PGM2: variants seen among roughly 807,000 people sequenced by gnomAD.
PGM2 encodes the protein phosphopentomutase.
Under a neutral mutation model 74.6 loss-of-function variants are expected in PGM2, and 57 were observed. The observed-to-expected ratio is 0.76, with a 90% confidence interval of 0.62 to 0.95. The LOEUF is 0.95. Ranked by LOEUF, PGM2 falls within the 40% of genes least tolerant of loss-of-function variation. The pLI is 0.00. For missense variants in PGM2, 706 were observed against 741.9 expected (o/e 0.95, Z 0.56); for synonymous variants, 273 against 260.7 (o/e 1.05, Z -0.46).
chr4:37,858,400 A>T (rs1010754469), intron 13 of PGM2, among the ~76,000 whole-genome samples: 1 of 151,692 alleles, frequency 6.6e-6, no homozygotes, highest in African/African-American at 2.4e-5. Context: ...GCAATGGTGG[A>T]ATCTTAGCTC....
intron 1 of PGM2, among the ~76,000 whole-genome samples, chr4:37,828,759 C>T (rs193164835): frequency 2.0e-5 from 3 of 152,280 alleles, no homozygotes; most frequent in African/African-American, 7.2e-5. Flanking sequence ...GCAGTGAAGT[C>T]CATGTTTTCT....
At chr4:37,829,496 A>T (rs188768290) in intron 1 of PGM2, among the ~76,000 whole-genome samples, 1 of 152,236 alleles carries the variant, frequency 6.6e-6, no homozygotes, top group Non-Finnish European at 1.5e-5. Context: ...CATTAGGGAA[A>T]AAAATGGACA....
intron 12 of PGM2, among the ~76,000 whole-genome samples, chr4:37,851,243 T>A (rs567030104): frequency 1.3e-5 from 2 of 152,212 alleles, no homozygotes; most frequent in Non-Finnish European, 2.9e-5. Flanking sequence ...ACCTGGACTT[T>A]CCGATTCAGT....
chr4:37,847,830 A>G (rs1021547568), intron 10 of PGM2, among the ~76,000 whole-genome samples: 5 of 152,246 alleles, frequency 3.3e-5, no homozygotes, highest in Admixed American at 6.5e-5. Flanking sequence ...CTAGCTATAG[A>G]AATTTGAAAC....
intron 6 of PGM2, among the ~76,000 whole-genome samples, chr4:37,842,554 TTTTC>T (rs1379483569): frequency 1.8e-4 from 13 of 72,512 alleles, no homozygotes; most frequent in Non-Finnish European, 3.6e-4. Context: ...TCTTTCTTTT[TTTTC>T]TTTTTTGACT....
chr4:37,840,478 G>A (rs975536089), intron 6 of PGM2, among the ~76,000 whole-genome samples: 1 of 152,184 alleles, frequency 6.6e-6, no homozygotes, highest in Non-Finnish European at 1.5e-5. Context: ...TGCCTTCTGG[G>A]TTCAAGCGAT....
chr4:37,849,624 G>T lies in PGM2; in HGVS notation c.1413-560G>T, dbSNP rs201455928. On this transcript the variant is annotated intron_variant, in intron 11 of 13. Transcript: ENST00000381967. The stretch of plus-strand genomic sequence containing the variant: ...GGGTTTCACCATATTGGCCAGGCTG[G>T]TCTCAAACGCCTAACCTCAGGTGAT... 5.6e-4 allele frequency among the ~76,000 whole-genome samples: 85 copies of T among 151,960 alleles called. No homozygotes were observed. In the East Asian group the frequency reaches 0.016, roughly 28 times the overall value.
intron 6 of PGM2, among the ~76,000 whole-genome samples, chr4:37,841,282 C>T (rs1725723080): frequency 6.6e-6 from 1 of 150,960 alleles, no homozygotes; most frequent in Admixed American, 6.6e-5. Flanking sequence ...TTAAAGGCTG[C>T]TGCACCGGTG....
chr4:37,845,399 C>A lies in PGM2; in HGVS notation c.910-234C>A, dbSNP rs112998504. ...GGCACACTGGTAGGCTTGGGTCACA[C>A]ACCGATGCTCCCATTATCTGACCTC... is the stretch of plus-strand genomic sequence containing the variant. On this transcript the variant is annotated intron_variant, in intron 7 of 13. Coordinates refer to ENST00000381967, the MANE Select transcript of PGM2 (RefSeq NM_018290.4). Among the ~76,000 whole-genome samples the A allele has an allele frequency of 2.0e-5, 3 of 152,220 alleles. No individual in the cohort carries two copies. In the East Asian group the frequency reaches 5.8e-4, roughly 29 times the overall value.
In PGM2 at chr4:37,847,024, T is replaced by C. The variant is rs1560417737; in HGVS notation, c.1101T>C (p.Ser367=). 1.2e-6 allele frequency: 2 copies of C among 1,613,624 alleles called. No homozygotes were observed. The highest frequency in any genetic ancestry group is 1.1e-5 in the South Asian group (1 of 91,076). The part of the protein sequence containing the change: ...TSWKEKNQDR[S]ALKDTYMLSS... ...GGAAAGAGAAGAACCAGGATCGCAG[T>C]GCTCTCAAAGACACGTACATGTTGT... Residue 367 remains serine, a synonymous_variant, in exon 9 of 14, where the codon AGT becomes AGC. Coordinates refer to ENST00000381967, the MANE Select transcript of PGM2 (RefSeq NM_018290.4).
intron 6 of PGM2, among the ~76,000 whole-genome samples, chr4:37,842,724 G>T (rs1259603217): frequency 6.6e-6 from 1 of 151,812 alleles, no homozygotes; most frequent in South Asian, 2.1e-4. Flanking sequence ...GCAGTGGCAT[G>T]ATCTTGGCTC....
intron 13 of PGM2, among the ~76,000 whole-genome samples, chr4:37,859,100 C>T (rs1049497122): frequency 6.6e-5 from 10 of 152,156 alleles, no homozygotes; most frequent in Non-Finnish European, 1.0e-4. Context: ...TGACCCCAAT[C>T]CAGACTGAGC....
chr4:37,831,750 G>T (rs1013383623), intron 2 of PGM2, among the ~76,000 whole-genome samples: 2 of 152,138 alleles, frequency 1.3e-5, no homozygotes, highest in African/African-American at 4.8e-5. Flanking sequence ...CACTTCTACC[G>T]TATTCGGTTT....
chr4:37,826,743 C>T lies in PGM2; in HGVS notation c.11C>T (p.Pro4Leu). MAA[P>L]EGSGLGEDAR... ...AGCACAAGCTCAGCGATGGCGGCTC[C>T]AGAAGGCAGCGGTCTAGGCGAGGAC... The change falls in exon 1 of 14, where the codon CCA (proline) becomes CTA (leucine). Residue 4 changes from proline (P) to leucine (L), a missense_variant. Pro to Leu is a moderately conservative substitution (Grantham distance 98, BLOSUM62 -3). Around this residue, in one of 3 missense-constraint regions of PGM2, gnomAD observed 332 missense variants for 334.9 expected, o/e 0.99. Coordinates refer to ENST00000381967, the MANE Select transcript of PGM2 (RefSeq NM_018290.4). 1 of 1,550,052 alleles carries T rather than the reference C, an allele frequency of 6.5e-7. No homozygotes were observed. Among genetic ancestry groups the T allele is most frequent in the Non-Finnish European group, 8.7e-7 (1 of 1,146,352 alleles).
intron 12 of PGM2, among the ~76,000 whole-genome samples, chr4:37,854,947 A>G (rs1436243550): frequency 6.6e-6 from 1 of 152,234 alleles, no homozygotes; most frequent in African/African-American, 2.4e-5. Context: ...ATGATGTACA[A>G]TCCGATGTTT....
At chr4:37,848,023 A>T (rs1471269546) in intron 10 of PGM2, among the ~76,000 whole-genome samples, 1 of 152,130 alleles carries the variant, frequency 6.6e-6, no homozygotes, top group African/African-American at 2.4e-5. Flanking sequence ...GTAGCTTTTT[A>T]TTTTAAGAAA....
chr4:37,839,833 C>G lies in PGM2; in HGVS notation c.442-15C>G, dbSNP rs773946262. The stretch of plus-strand genomic sequence containing the variant: ...CGTTAAAAACTGTTTGTTCTTGTTT[C>G]CTGCTATGTTACAGCCCTTCACAGT... On this transcript the variant is annotated splice_polypyrimidine_tract_variant and intron_variant, in intron 4 of 13. Coordinates refer to ENST00000381967, the MANE Select transcript of PGM2 (RefSeq NM_018290.4). The G allele has an allele frequency of 6.8e-7, 1 of 1,471,042 alleles. No individual in the cohort carries two copies. Among genetic ancestry groups the G allele is most frequent in the Non-Finnish European group, 9.5e-7 (1 of 1,052,342 alleles). The allele number at this position is 1,471,042 out of a possible 1,614,324, so 91.1% of individuals were successfully genotyped here.
In PGM2 at chr4:37,847,060, C is replaced by A; in HGVS notation, c.1137C>A (p.Val379=). The A allele has an allele frequency of 6.2e-7, 1 of 1,613,810 alleles. No individual in the cohort carries two copies. The highest frequency in any genetic ancestry group is 8.5e-7 in the Non-Finnish European group (1 of 1,179,756). ...LKDTYMLSST[V]SSKILRAIAL... ...ACACGTACATGTTGTCCAGCACCGTCTCCTCCAAAATCTTGCGGGCCATTG... is the reference window on the plus strand; with the variant it reads ...ACACGTACATGTTGTCCAGCACCGTATCCTCCAAAATCTTGCGGGCCATTG... Residue 379 remains valine (V), a synonymous_variant, in exon 9 of 14, where the codon GTC becomes GTA. Coordinates refer to ENST00000381967, the MANE Select transcript of PGM2 (RefSeq NM_018290.4).
At chr4:37,829,006 G>A (rs184357948) in intron 1 of PGM2, among the ~76,000 whole-genome samples, 1 of 152,334 alleles carries the variant, frequency 6.6e-6, no homozygotes, top group East Asian at 1.9e-4. Context: ...GTATTTCAAA[G>A]TTTAATTAAA....
Sources: allele counts gnomAD v4.1 joint callset (sites outside exome capture counted in the v4.1 genomes callset), GRCh38; gene constraint gnomAD v4.1.1; regional missense constraint gnomAD v4.1.1; transcripts MANE v1.5; gene names NCBI Gene and HGNC (gene_info 2026-07-23, HGNC 2026-07-21).